HERC4: variants seen among roughly 807,000 people sequenced by gnomAD.
HERC4 encodes probable E3 ubiquitin-protein ligase HERC4.
A neutral mutation model predicts 124.3 loss-of-function variants in HERC4; 28 were observed. The observed-to-expected ratio is 0.23, with a 90% CI of 0.17 to 0.31. HERC4 has a LOEUF of 0.31. Ranked by LOEUF, HERC4 falls within the 10% of genes least tolerant of loss-of-function variation. The pLI is 1.00. For synonymous variants in HERC4, 407 were observed against 421.5 expected, an observed-to-expected ratio of 0.97 and a Z score of 0.42; for missense variants, 713 against 1,229.3, an observed-to-expected ratio of 0.58 and a Z score of 6.28.
chr10:67,966,840 G>A, intron 15 of HERC4, 38 bp from the exon 16 acceptor site: 1 of 1,499,906 alleles, frequency 6.7e-7, no homozygotes, highest in Non-Finnish European at 8.9e-7. Flanking sequence ...AATTTAACCA[G>A]TACTCAAGAC....
intron 3 of HERC4, among the ~76,000 whole-genome samples, chr10:68,055,252 A>G (rs2040494732): frequency 6.6e-6 from 1 of 152,248 alleles, no homozygotes; most frequent in Non-Finnish European, 1.5e-5. Flanking sequence ...CAATAAATTA[A>G]AATTTTTATT....
intron 9 of HERC4, among the ~76,000 whole-genome samples, chr10:67,999,349 C>G (rs967265643): frequency 6.6e-6 from 1 of 152,142 alleles, no homozygotes; most frequent in Admixed American, 6.5e-5. Flanking sequence ...TTATTTTAGG[C>G]CTGTGTAACC....
At position 68,037,126 on chromosome 10, in the gene HERC4, G is replaced by A. The variant is rs148834115; in HGVS notation, c.463+967C>T. Among the ~76,000 whole-genome samples the A allele has an allele frequency of 9.3e-3, 1,212 of 129,888 alleles. 23 individuals are homozygous for A. Among genetic ancestry groups the A allele is most frequent in the African/African-American group, 0.034 (1,132 of 33,564 alleles). 85.2% of individuals were successfully genotyped at this position (129,888 alleles called of 152,430 possible). On this transcript the variant is annotated intron_variant, in intron 5 of 24. Transcript: ENST00000373700. ...TTTTTTTTTTTTGAGACAGAGTCTC[G>A]CTCTGTCGCCCAGGCTGGACTATAG...
chr10:68,015,873 C>G (rs917339533), intron 8 of HERC4, among the ~76,000 whole-genome samples: 1 of 152,110 alleles, frequency 6.6e-6, no homozygotes, highest in African/African-American at 2.4e-5. Context: ...GAGACCGAGG[C>G]AGGTGGATCA....
intron 3 of HERC4, among the ~76,000 whole-genome samples, chr10:68,064,241 A>G (rs1028745306): frequency 7.2e-5 from 11 of 151,922 alleles, no homozygotes; most frequent in African/African-American, 2.7e-4. Flanking sequence ...CCTGTCCCCA[A>G]AACATAAAAA....
intron 3 of HERC4, 137 bp downstream of exon 3, chr10:68,072,746 A>G (rs2041634095): frequency 3.4e-6 from 2 of 595,112 alleles, no homozygotes; most frequent in South Asian, 2.7e-5. Context: ...ATACACATAT[A>G]ATGGAAATAC....
intron 15 of HERC4, among the ~76,000 whole-genome samples, chr10:67,979,239 A>G (rs2035783517): frequency 6.6e-6 from 1 of 152,196 alleles, no homozygotes; most frequent in Admixed American, 6.5e-5. Context: ...GAAATTCAAG[A>G]TAATACAGAG....
chr10:68,040,149 TC>T, intron 4 of HERC4: 1 of 976,006 alleles, frequency 1.0e-6, no homozygotes, highest in Non-Finnish European at 1.2e-6. Context: ...TTAGTATTAG[TC>T]ATAAAATTTG....
At chr10:68,017,479 A>G (rs1331223684) in intron 8 of HERC4, among the ~76,000 whole-genome samples, 1 of 151,848 alleles carries the variant, frequency 6.6e-6, no homozygotes, top group Non-Finnish European at 1.5e-5. Context: ...TTATGTAAAT[A>G]AGTTTATTTA....
At chr10:68,019,453 CA>C (rs1469644892) in intron 8 of HERC4, among the ~76,000 whole-genome samples, 1 of 152,038 alleles carries the variant, frequency 6.6e-6, no homozygotes, top group Admixed American at 6.6e-5. Flanking sequence ...GTACATACAA[CA>C]GCTTATGGCA....
At chr10:68,010,301 G>A in intron 9 of HERC4, 2 of 968,586 alleles carry the variant, frequency 2.1e-6, no homozygotes, top group Admixed American at 4.1e-5. Flanking sequence ...GGCTCCCATA[G>A]CCTGGGGTAC....
intron 19 of HERC4, among the ~76,000 whole-genome samples, chr10:67,944,799 T>G (rs2033195972): frequency 2.0e-5 from 3 of 152,138 alleles, no homozygotes; most frequent in Non-Finnish European, 4.4e-5. Flanking sequence ...AAAATGCAAC[T>G]GACATGCTGA....
intron 17 of HERC4, chr10:67,955,950 T>G (rs1013992943): frequency 6.6e-6 from 1 of 152,112 alleles, no homozygotes; most frequent in African/African-American, 2.4e-5. Context: ...AAATGGAATA[T>G]CCCATGGTAA....
intron 3 of HERC4, chr10:68,070,374 A>C (rs2041510315): frequency 1.5e-6 from 1 of 664,614 alleles, no homozygotes; most frequent in Non-Finnish European, 1.9e-6. Flanking sequence ...CGGGAGGCCA[A>C]GGCAGGCGGA....
chr10:67,931,582 A>G (rs12242880), intron 23 of HERC4, among the ~76,000 whole-genome samples: 95,158 of 151,582 alleles, frequency 0.63, 30,683 homozygotes, highest in Non-Finnish European at 0.68. Context: ...GTGCCACCAC[A>G]CCCGATTAAT....
chr10:67,949,628 T>C (rs1298636638), intron 19 of HERC4, among the ~76,000 whole-genome samples: 4 of 152,166 alleles, frequency 2.6e-5, no homozygotes, highest in African/African-American at 2.4e-5. Flanking sequence ...CAAGTGGGAT[T>C]TACCCCAGGA....
chr10:68,074,324 C>T (rs1434745399), intron 1 of HERC4: 2 of 152,298 alleles, frequency 1.3e-5, no homozygotes, highest in South Asian at 4.1e-4. Flanking sequence ...TTCCTATGTT[C>T]CTGTTAGCAA....
chr10:68,006,864 T>C (rs1249367918), intron 9 of HERC4, among the ~76,000 whole-genome samples: 2 of 152,220 alleles, frequency 1.3e-5, no homozygotes, highest in Admixed American at 6.5e-5. Context: ...TGGAGCCCCA[T>C]TGTATACTGT....
intron 16 of HERC4, among the ~76,000 whole-genome samples, chr10:67,963,585 C>G (rs186660121): frequency 1.3e-5 from 2 of 152,104 alleles, no homozygotes; most frequent in African/African-American, 4.8e-5. Context: ...GAGTTTAGAA[C>G]TAGTTTAATG....
Sources: gnomAD v4.1 joint callset for allele counts (sites outside exome capture counted in the v4.1 genomes callset) on GRCh38, gnomAD v4.1.1 for gene constraint, MANE v1.5 for transcripts, NCBI Gene and HGNC (gene_info 2026-07-23, HGNC 2026-07-21) for gene names.